Variants in HTR7 observed in about 807,000 individuals in gnomAD.
The protein encoded by HTR7 is 5-hydroxytryptamine receptor 7, also known as 5-HT-7.
HTR7 carries 16 observed loss-of-function variants against 34.0 expected under a neutral mutation model. The ratio of observed to expected loss-of-function variants is 0.47; its 90% CI spans 0.32 to 0.71. The LOEUF (loss-of-function observed/expected upper bound fraction) is 0.71, where lower values mean the gene tolerates loss of function less well. HTR7 is among the 30% of genes least tolerant of loss of function. The pLI, the probability that HTR7 is intolerant of heterozygous loss-of-function variation, is 0.04. For missense variants in HTR7, 504 were observed against 625.5 expected (o/e 0.81, Z 2.07); for synonymous variants, 265 against 260.2 (o/e 1.02, Z -0.18).
In HTR7 at chr10:90,750,962, C is replaced by T. The variant is rs113432047; in HGVS notation, c.540-1368G>A. On this transcript the variant is annotated intron_variant, in intron 1 of 3. Coordinates refer to ENST00000336152, the MANE Select transcript of HTR7 (RefSeq NM_019859.4). ...GGGATAGGACAGTGAGTAGAAGAGACGAAAATCCTGCGTGCAGGCAAATGG... is the reference window on the plus strand; with the variant it reads ...GGGATAGGACAGTGAGTAGAAGAGATGAAAATCCTGCGTGCAGGCAAATGG... Among the ~76,000 whole-genome samples, 212 of 152,160 alleles carry T rather than the reference C, an allele frequency of 1.4e-3. 3 individuals are homozygous for T. The highest frequency in any genetic ancestry group is 0.014 in the South Asian group (67 of 4,812).
chr10:90,824,343 C>G (rs978515384), intron 1 of HTR7, among the ~76,000 whole-genome samples: 2 of 152,204 alleles, frequency 1.3e-5, no homozygotes, highest in African/African-American at 4.8e-5. Flanking sequence ...GACTAAAGAG[C>G]CTTTGAGCCC....
intron 1 of HTR7, among the ~76,000 whole-genome samples, chr10:90,832,360 C>T (rs1161740845): frequency 6.6e-6 from 1 of 152,234 alleles, no homozygotes; most frequent in Non-Finnish European, 1.5e-5. Context: ...AAATCTAGCA[C>T]AGCGCAGGTG....
intron 1 of HTR7, among the ~76,000 whole-genome samples, chr10:90,808,609 A>C (rs1845744196): frequency 6.7e-6 from 1 of 150,322 alleles, no homozygotes; most frequent in Non-Finnish European, 1.5e-5. Context: ...CTGCGCCCCG[A>C]CCCCTTTCCC....
chr10:90,753,936 T>G (rs1474854641), intron 1 of HTR7, among the ~76,000 whole-genome samples: 1 of 152,054 alleles, frequency 6.6e-6, no homozygotes, highest in Non-Finnish European at 1.5e-5. Flanking sequence ...TGTCTGTGTA[T>G]GCTCAGATGT....
Position 90,779,738 on chromosome 10 carries a change from CACATTGCATA to C in HTR7, c.540-30154_540-30145del, listed in dbSNP as rs537391584. On this transcript the variant is annotated intron_variant, in intron 1 of 3. Transcript: ENST00000336152. ...AGAAAAAACATTTGTCATTTCTCCT[CACATTGCATA>C]ACCTTGATGAACCACAAGGAGGCAG... 7.9e-5 allele frequency among the ~76,000 whole-genome samples: 12 copies of C among 152,342 alleles called. No individual in the cohort carries two copies. In the South Asian group the frequency reaches 2.5e-3, roughly 32 times the overall value.
intron 1 of HTR7, among the ~76,000 whole-genome samples, chr10:90,834,841 G>A (rs1846229788): frequency 6.6e-6 from 1 of 152,184 alleles, no homozygotes; most frequent in South Asian, 2.1e-4. Flanking sequence ...CCTAAATTCT[G>A]TGTAGGAAGG....
intron 1 of HTR7, among the ~76,000 whole-genome samples, chr10:90,804,929 A>C (rs932703973): frequency 6.6e-6 from 1 of 152,216 alleles, no homozygotes; most frequent in Non-Finnish European, 1.5e-5. Context: ...GGGAAAACAT[A>C]AAAGTTGACA....
chr10:90,803,271 G>C (rs1242717966), intron 1 of HTR7, among the ~76,000 whole-genome samples: 1 of 152,056 alleles, frequency 6.6e-6, no homozygotes, highest in African/African-American at 2.4e-5. Flanking sequence ...CCTTTGACTT[G>C]GGGTTTGATA....
At position 90,857,138 on chromosome 10, in the gene HTR7, A is replaced by G. The variant is rs1340239456; in HGVS notation, c.534T>C (p.Ile178=). The G allele has an allele frequency of 1.9e-6, 3 of 1,589,644 alleles. No homozygotes were observed. Among genetic ancestry groups the G allele is most frequent in the Admixed American group, 3.5e-5 (2 of 57,898 alleles). ...CGGGGCGGTCCGGCCCTTACCTGTC[A>G]ATGCTGATCACGCACAGGGTCATGA... ...ASIMTLCVIS[I]DRYLGITRPL... Residue 178 remains isoleucine, a synonymous_variant, in exon 1 of 4, where the codon ATT becomes ATC. Transcript: ENST00000336152. The surrounding 1 kb of genome is among the most constrained non-coding windows in gnomAD (Gnocchi z 6.5).
intron 1 of HTR7, among the ~76,000 whole-genome samples, chr10:90,819,280 A>T (rs1303712972): frequency 1.3e-5 from 2 of 152,238 alleles, no homozygotes; most frequent in Admixed American, 6.5e-5. Flanking sequence ...TACCCTGGGT[A>T]ATTTTATGAT....
chr10:90,845,214 G>A (rs987638893), intron 1 of HTR7, among the ~76,000 whole-genome samples: 2 of 152,224 alleles, frequency 1.3e-5, no homozygotes, highest in Non-Finnish European at 2.9e-5. Context: ...CGAGGAACAA[G>A]GTGCGGAAGT....
intron 1 of HTR7, among the ~76,000 whole-genome samples, chr10:90,826,829 C>T (rs1190646761): frequency 6.6e-6 from 1 of 151,568 alleles, no homozygotes; most frequent in Non-Finnish European, 1.5e-5. Context: ...CCCAGCTGCT[C>T]GGGAGGCTGA....
intron 1 of HTR7, among the ~76,000 whole-genome samples, chr10:90,756,657 A>T (rs531426296): frequency 9.2e-5 from 14 of 152,202 alleles, no homozygotes; most frequent in Non-Finnish European, 1.8e-4. Context: ...GAGAAAGGAT[A>T]TTATTATTAA....
chr10:90,851,569 C>T (rs1378052402), intron 1 of HTR7, among the ~76,000 whole-genome samples: 2 of 133,058 alleles, frequency 1.5e-5, no homozygotes, highest in African/African-American at 5.8e-5. Flanking sequence ...CACACCACTG[C>T]ACTCCAGCCT....
chr10:90,759,682 A>T (rs1247376229), intron 1 of HTR7, among the ~76,000 whole-genome samples: 4 of 151,358 alleles, frequency 2.6e-5, no homozygotes, highest in Non-Finnish European at 4.4e-5. Flanking sequence ...AAAAAAAAAA[A>T]AAACCAGGGA....
Position 90,745,501 on chromosome 10 carries a change from C to A in HTR7, c.1296-1811G>T, listed in dbSNP as rs199888193. ...GGAGACACAAACATTCAGGCCATAGCAACATATGTCTGTTTGTGTAAGGTA... is the reference window on the plus strand; with the variant it reads ...GGAGACACAAACATTCAGGCCATAGAAACATATGTCTGTTTGTGTAAGGTA... On this transcript the variant is annotated intron_variant, in intron 2 of 3. Transcript: ENST00000336152. 7.2e-5 allele frequency among the ~76,000 whole-genome samples: 11 copies of A among 152,154 alleles called. No individual in the cohort carries two copies. In the East Asian group the frequency reaches 2.1e-3, roughly 29 times the overall value.
intron 1 of HTR7, among the ~76,000 whole-genome samples, chr10:90,766,091 G>T (rs1267884739): frequency 1.3e-5 from 2 of 152,084 alleles, no homozygotes; most frequent in Non-Finnish European, 2.9e-5. Context: ...ATGCTTGGAT[G>T]ATTTATTCAT....
chr10:90,807,552 C>T (rs916409644), intron 1 of HTR7, among the ~76,000 whole-genome samples: 2 of 152,188 alleles, frequency 1.3e-5, no homozygotes, highest in Non-Finnish European at 2.9e-5. Context: ...TACGCCTGCT[C>T]GCCAGAGAAC....
At chr10:90,794,816 G>A (rs369519299) in intron 1 of HTR7, among the ~76,000 whole-genome samples, 51 of 152,280 alleles carry the variant, frequency 3.3e-4, no homozygotes, top group African/African-American at 1.0e-3. Flanking sequence ...ATAATTGTAT[G>A]TGTTATACTT....
Sources: allele counts gnomAD v4.1 joint callset (sites outside exome capture counted in the v4.1 genomes callset), GRCh38; gene constraint gnomAD v4.1.1; non-coding constraint Gnocchi (gnomAD v3.1); transcripts MANE v1.5; gene names NCBI Gene and HGNC (gene_info 2026-07-23, HGNC 2026-07-21).